DIP2C: variants seen among roughly 807,000 people sequenced by gnomAD.
The protein encoded by DIP2C is disco-interacting protein 2 homolog C.
DIP2C carries 33 observed loss-of-function variants against 192.4 expected under a neutral mutation model. The observed-to-expected ratio is 0.17, with a 90% CI of 0.13 to 0.23. The LOEUF (loss-of-function observed/expected upper bound fraction) is 0.23. Ranked by LOEUF, DIP2C falls within the 10% of genes least tolerant of loss-of-function variation. DIP2C has a pLI of 1.00. For synonymous variants in DIP2C, 979 were observed against 864.1 expected (o/e 1.13, Z -2.33); for missense variants, 1,537 against 2,110.1 (o/e 0.73, Z 5.32).
At chr10:335,078 C>G (rs567551971) in intron 29 of DIP2C, among the ~76,000 whole-genome samples, 1 of 152,084 alleles carries the variant, frequency 6.6e-6, no homozygotes, top group African/African-American at 2.4e-5. Flanking sequence ...TGAATACAGG[C>G]TATCTGACAC....
intron 1 of DIP2C, among the ~76,000 whole-genome samples, chr10:593,263 C>T (rs950540819): frequency 6.6e-6 from 1 of 152,106 alleles, no homozygotes; most frequent in Non-Finnish European, 1.5e-5. Context: ...CAGCTCTGCC[C>T]CACTTTCCTA....
At chr10:397,546 G>A (rs1390923677) in intron 10 of DIP2C, among the ~76,000 whole-genome samples, 3 of 148,472 alleles carry the variant, frequency 2.0e-5, no homozygotes, top group African/African-American at 5.0e-5. Context: ...AAAAAAAAGT[G>A]CTGAAGGGAG....
chr10:559,975 A>ACCC (rs1849114801), intron 1 of DIP2C, among the ~76,000 whole-genome samples: 5 of 56,586 alleles, frequency 8.8e-5, no homozygotes, highest in Admixed American at 3.3e-4. Context: ...TCTCCCCCCC[A>ACCC]CTCCTGTTCT....
chr10:618,785 G>A (rs967719525), intron 1 of DIP2C, among the ~76,000 whole-genome samples: 4 of 152,224 alleles, frequency 2.6e-5, no homozygotes, highest in Admixed American at 1.3e-4. Context: ...GACACGTGCA[G>A]ACCAGAGCCC....
intron 2 of DIP2C, among the ~76,000 whole-genome samples, chr10:482,576 G>A (rs1465363873): frequency 6.6e-6 from 1 of 152,192 alleles, no homozygotes; most frequent in African/African-American, 2.4e-5. Flanking sequence ...GCTTGGAGAG[G>A]AATACCAGAT....
chr10:589,696 A>C (rs899233862), intron 1 of DIP2C, among the ~76,000 whole-genome samples: 2 of 152,188 alleles, frequency 1.3e-5, no homozygotes, highest in Non-Finnish European at 2.9e-5. Flanking sequence ...TGAAAAAAGT[A>C]ATTCTGTCTG....
intron 1 of DIP2C, among the ~76,000 whole-genome samples, chr10:615,379 C>T (rs369690283): frequency 5.3e-5 from 8 of 152,116 alleles, no homozygotes; most frequent in African/African-American, 9.7e-5. Flanking sequence ...ATAGGGGCCA[C>T]GGTGTTTACA....
At chr10:647,233 A>C (rs1242641927) in intron 1 of DIP2C, among the ~76,000 whole-genome samples, 5 of 152,034 alleles carry the variant, frequency 3.3e-5, no homozygotes, top group African/African-American at 1.2e-4. Flanking sequence ...AGTGGGAGAG[A>C]ACAGAGGGAA....
chr10:485,036 G>A, intron 2 of DIP2C: 1 of 1,449,996 alleles, frequency 6.9e-7, no homozygotes, highest in Non-Finnish European at 9.2e-7. Context: ...CCGACCCCAT[G>A]CAGGACAGCA....
At chr10:539,607 CTAATCTTTTGTTAAGAAAT>C (rs1183663252) in intron 1 of DIP2C, among the ~76,000 whole-genome samples, 1 of 152,188 alleles carries the variant, frequency 6.6e-6, no homozygotes, top group South Asian at 2.1e-4. Context: ...TGTACTAAAT[CTAATCTTTTGTTAAGAAAT>C]TACTGTGTGT....
chr10:621,319 ACCC>A (rs1346488411), intron 1 of DIP2C, among the ~76,000 whole-genome samples: 3 of 148,428 alleles, frequency 2.0e-5, no homozygotes, highest in African/African-American at 5.0e-5. Context: ...ACCCACACAC[ACCC>A]CCAAGGTGTG....
chr10:607,138 C>CCTGAAGTCCG (rs1374863051), intron 1 of DIP2C, among the ~76,000 whole-genome samples: 1 of 152,178 alleles, frequency 6.6e-6, no homozygotes, highest in Admixed American at 6.5e-5. Context: ...GGAGGATGGC[C>CCTGAAGTCCG]CTGAAGTCCG....
chr10:315,948 A>G (rs1249137335), intron 31 of DIP2C, among the ~76,000 whole-genome samples: 2 of 152,146 alleles, frequency 1.3e-5, no homozygotes, highest in East Asian at 1.9e-4. Context: ...CTAGTCTCCT[A>G]TTAAACCATG....
At chr10:578,556 C>G (rs1393237957) in intron 1 of DIP2C, among the ~76,000 whole-genome samples, 1 of 152,164 alleles carries the variant, frequency 6.6e-6, no homozygotes, top group African/African-American at 2.4e-5. Flanking sequence ...TAAATCATTG[C>G]AAAGCATCTA....
chr10:488,858 T>C (rs1046370550), intron 1 of DIP2C, among the ~76,000 whole-genome samples: 5 of 152,198 alleles, frequency 3.3e-5, no homozygotes, highest in African/African-American at 1.2e-4. Context: ...CCAGTTGTCT[T>C]ACAAACTGAA....
intron 29 of DIP2C, among the ~76,000 whole-genome samples, chr10:339,402 T>C (rs948347467): frequency 6.6e-6 from 1 of 152,180 alleles, no homozygotes; most frequent in African/African-American, 2.4e-5. Context: ...GGAAAGATGC[T>C]TGTCAAATTT....
At chr10:319,750 C>T (rs558831459) in intron 31 of DIP2C, among the ~76,000 whole-genome samples, 1 of 152,264 alleles carries the variant, frequency 6.6e-6, no homozygotes, top group Non-Finnish European at 1.5e-5. Flanking sequence ...ATTTTTCCAG[C>T]TAAAGGTACT....
chr10:409,203 G>A (rs1021079734), intron 8 of DIP2C, among the ~76,000 whole-genome samples, 186 bp from the exon 9 acceptor site: 8 of 151,710 alleles, frequency 5.3e-5, no homozygotes, highest in African/African-American at 1.5e-4. Context: ...AGTGAAAGTA[G>A]AAAAGCATCA....
At position 283,271 on chromosome 10, in the gene DIP2C, C is replaced by A. The variant is rs1954936786; in HGVS notation, c.4294+1G>T. 6.2e-7 allele frequency: 1 copy of A among 1,613,544 alleles called. No individual in the cohort carries two copies. The highest frequency in any genetic ancestry group is 8.5e-7 in the Non-Finnish European group (1 of 1,179,742). ...GGGGGGCCGCCAGCCTGGACTCTCA[C>A]CTCCATTTGCATCTGTGAGCTCAGT... On this transcript the variant is annotated splice_donor_variant, in intron 35 of 36. Coordinates refer to ENST00000280886, the MANE Select transcript of DIP2C (RefSeq NM_014974.3). LOFTEE classifies it high-confidence loss of function.
Sources: allele counts gnomAD v4.1 joint callset (sites outside exome capture counted in the v4.1 genomes callset), GRCh38; gene constraint gnomAD v4.1.1; transcripts MANE v1.5; gene names NCBI Gene and HGNC (gene_info 2026-07-23, HGNC 2026-07-21).